SCUBE3: variants seen among roughly 807,000 people sequenced by gnomAD.
SCUBE3 encodes the protein signal peptide, CUB domain and EGF like domain containing 3.
SCUBE3 carries 33 observed loss-of-function variants against 116.8 expected under a neutral mutation model. That is an observed-to-expected ratio of 0.28 (90% confidence interval 0.21 to 0.38). The LOEUF is 0.38. Ranked by LOEUF, SCUBE3 falls within the 10% of genes least tolerant of loss-of-function variation. The probability of loss-of-function intolerance (pLI) is 1.00; values close to 1 mark genes in which losing one functional copy is unlikely to be tolerated. For synonymous variants in SCUBE3, 418 were observed against 496.9 expected, an observed-to-expected ratio of 0.84 and a Z score of 2.11; for missense variants, 1,007 against 1,324.8, an observed-to-expected ratio of 0.76 and a Z score of 3.72.
Position 35,242,330 on chromosome 6 carries a change from G to C in SCUBE3, c.1534+10G>C. 1 of 1,579,722 alleles carries C rather than the reference G, an allele frequency of 6.3e-7. No homozygotes were observed. The highest frequency in any genetic ancestry group is 8.7e-7 in the Non-Finnish European group (1 of 1,148,882). On this transcript the variant is annotated intron_variant, in intron 13 of 21. Transcript: ENST00000274938. ...AGAATCACAGGGCCAGGTTTGGACTGGGGACCCCATTCCAGTTGGCTGTCT... is the reference window on the plus strand; with the variant it reads ...AGAATCACAGGGCCAGGTTTGGACTCGGGACCCCATTCCAGTTGGCTGTCT...
intron 1 of SCUBE3, chr6:35,224,700 T>G (rs1332545266): frequency 7.1e-6 from 1 of 141,264 alleles, no homozygotes; most frequent in South Asian, 2.4e-4. Context: ...AGCATCAAGA[T>G]CCACTCTAGT....
At chr6:35,237,625 A>T (rs1783832309) in intron 6 of SCUBE3, among the ~76,000 whole-genome samples, 1 of 151,562 alleles carries the variant, frequency 6.6e-6, no homozygotes, top group South Asian at 2.1e-4. Context: ...TTCCTGCCTG[A>T]CAGCTCTGGC....
In SCUBE3 at chr6:35,245,240, G is replaced by C; in HGVS notation, c.2414G>C (p.Gly805Ala). 2 of 1,614,176 alleles carry C rather than the reference G, an allele frequency of 1.2e-6. No individual in the cohort carries two copies. Among genetic ancestry groups the C allele is most frequent in the East Asian group, 2.2e-5 (1 of 44,882 alleles). The change falls in exon 19 of 22, where the codon GGT (glycine) becomes GCT (alanine). Residue 805 changes from glycine to alanine, a missense_variant. Around this residue, in one of 5 missense-constraint regions of SCUBE3, gnomAD observed 544 missense variants for 638.9 expected, o/e 0.85. Coordinates refer to ENST00000274938, the MANE Select transcript of SCUBE3 (RefSeq NM_152753.4). The surrounding 1 kb of genome is among the most constrained non-coding windows in gnomAD (Gnocchi z 4.2). ...SVAQCKNRQC[G>A]GELGEFTGYI... is the part of the protein sequence containing the mutation. ...GGTTTGGCTGCAGATCGTCAGTGTG[G>C]TGGGGAGCTGGGTGAGTTCACTGGC... is the stretch of plus-strand genomic sequence containing the variant.
In SCUBE3 at chr6:35,244,354, A is replaced by G. The variant is rs1784237108; in HGVS notation, c.2239+224A>G. ...AATTAACAGTCCCACTTACCCCTCC[A>G]CTTTGGAGAACTGGTGGCATATTCT... On this transcript the variant is annotated intron_variant, in intron 17 of 21. Transcript: ENST00000274938. The surrounding 1 kb of genome is among the most constrained non-coding windows in gnomAD (Gnocchi z 4.3). Among the ~76,000 whole-genome samples the G allele has an allele frequency of 6.6e-6, 1 of 152,100 alleles. No individual in the cohort carries two copies. Among genetic ancestry groups the G allele is most frequent in the Non-Finnish European group, 1.5e-5 (1 of 68,016 alleles).
intron 1 of SCUBE3, chr6:35,224,035 C>T (rs989587100): frequency 6.6e-6 from 1 of 152,266 alleles, no homozygotes; most frequent in Middle Eastern, 3.4e-3. Context: ...GGACCAGGAA[C>T]TCACCAGGAA....
rs1462412635 is a variant in SCUBE3 at position 35,214,170 on chromosome 6, C to T, written c.-249C>T. On this transcript the variant is annotated 5_prime_UTR_variant, in exon 1 of 22. Coordinates refer to ENST00000274938, the MANE Select transcript of SCUBE3 (RefSeq NM_152753.4). The surrounding 1 kb of genome is among the most constrained non-coding windows in gnomAD (Gnocchi z 6.3). ...GGCGGGGGTTCCCCTCCGTCAGTCG[C>T]CCCTGGCGCCCCTCGCCTCGTCGCA... Among the ~76,000 whole-genome samples, 1 of 152,122 alleles carries T rather than the reference C, an allele frequency of 6.6e-6. No individual in the cohort carries two copies. The highest frequency in any genetic ancestry group is 1.5e-5 in the Non-Finnish European group (1 of 68,000).
At chr6:35,237,877 C>A (rs750210218) in intron 6 of SCUBE3, 25 bp from the exon 7 acceptor site, 39 of 1,452,484 alleles carry the variant, frequency 2.7e-5, no homozygotes, top group Non-Finnish European at 3.5e-5. Context: ...ACCTCATTAC[C>A]ATCCCCCACT....
Position 35,241,882 on chromosome 6 carries a change from G to C in SCUBE3, c.1389G>C (p.Gly463=). The C allele has an allele frequency of 2.5e-6, 4 of 1,610,810 alleles. No individual in the cohort carries two copies. The highest frequency in any genetic ancestry group is 3.4e-6 in the Non-Finnish European group (4 of 1,179,746). The change falls in exon 12 of 22, where the codon GGG becomes GGC. Residue 463 remains glycine, a synonymous_variant. Coordinates refer to ENST00000274938, the MANE Select transcript of SCUBE3 (RefSeq NM_152753.4). The surrounding 1 kb of genome is among the most constrained non-coding windows in gnomAD (Gnocchi z 4.1). Reference sequence around the variant, plus strand: ...CTCCAGCCCGAGCTGGCCACAATGGGAACAGCACCAACTCCAACCACTGCC... The same window carrying C: ...CTCCAGCCCGAGCTGGCCACAATGGCAACAGCACCAACTCCAACCACTGCC... ...RAAPARAGHN[G]NSTNSNHCHE...
Position 35,233,176 on chromosome 6 carries a change from T to C in SCUBE3, c.596-9T>C. The C allele has an allele frequency of 6.2e-7, 1 of 1,601,346 alleles. No individual in the cohort carries two copies. The highest frequency in any genetic ancestry group is 8.6e-7 in the Non-Finnish European group (1 of 1,168,578). ...CAAGCTGACAGGGCCCTGTCCTCTC[T>C]GTGCACAGTGACATGCAACTATGGT... On this transcript the variant is annotated splice_polypyrimidine_tract_variant and intron_variant, in intron 5 of 21. Transcript: ENST00000274938. The surrounding 1 kb of genome is among the most constrained non-coding windows in gnomAD (Gnocchi z 5.7).
At chr6:35,247,343 C>T (rs1784387176) in intron 21 of SCUBE3, among the ~76,000 whole-genome samples, 1 of 149,200 alleles carries the variant, frequency 6.7e-6, no homozygotes, top group Non-Finnish European at 1.5e-5. Context: ...GACCCTGAGG[C>T]AGGAGAATTG....
Position 35,246,080 on chromosome 6 carries a change from C to G in SCUBE3, c.2736C>G (p.Pro912=). The change falls in exon 20 of 22, where the codon CCC becomes CCG. Residue 912 remains proline (P), a synonymous_variant. Coordinates refer to ENST00000274938, the MANE Select transcript of SCUBE3 (RefSeq NM_152753.4). ...ACAGCGCCCGTGGCTTCCAGATTCC[C>G]TATGTTACCTATGATGGTAAGCCAA... ...EANSARGFQI[P]YVTYDEDYEQ... is the part of the protein sequence containing the mutation. The G allele has an allele frequency of 6.2e-7, 1 of 1,614,112 alleles. No homozygotes were observed.
chr6:35,226,805 CTT>C (rs971878916), intron 1 of SCUBE3, among the ~76,000 whole-genome samples: 4 of 152,146 alleles, frequency 2.6e-5, no homozygotes, highest in African/African-American at 9.7e-5. Flanking sequence ...TAACCATCCT[CTT>C]TTTTGCTAGA....
rs1784183766 is a variant in SCUBE3 at position 35,243,579 on chromosome 6, C to G, written c.1910-15C>G. ...ATGCGGGGGTGGGTGGCTAGCGCGG[C>G]CGACTCTCCCTCAGTCAGCTGCCCG... On this transcript the variant is annotated splice_polypyrimidine_tract_variant and intron_variant, in intron 15 of 21. Coordinates refer to ENST00000274938, the MANE Select transcript of SCUBE3 (RefSeq NM_152753.4). This position sits in a 1 kb window ranked among gnomAD's most constrained non-coding sequence, Gnocchi z 6.6. 1.9e-6 allele frequency: 3 copies of G among 1,587,554 alleles called. No homozygotes were observed. The African/African-American group carries it at 4.0e-5, about 21-fold the overall frequency.
At position 35,239,820 on chromosome 6, in the gene SCUBE3, G is replaced by A. The variant is rs781713687; in HGVS notation, c.898G>A (p.Glu300Lys). Reference protein sequence around the residue: ...HICRNTVGSFECSCKKGYKLL... With the variant: ...HICRNTVGSFKCSCKKGYKLL... The stretch of plus-strand genomic sequence containing the variant: ...TTGCCGCAACACAGTGGGCAGCTTC[G>A]AATGCAGTTGCAAGAAAGGCTATAA... The change falls in exon 8 of 22, where the codon GAA (glutamate) becomes AAA (lysine). Residue 300 changes from glutamate (E) to lysine (K), a missense_variant. Coordinates refer to ENST00000274938, the MANE Select transcript of SCUBE3 (RefSeq NM_152753.4). The surrounding 1 kb of genome is among the most constrained non-coding windows in gnomAD (Gnocchi z 4.1). 54 of 1,610,936 alleles carry A rather than the reference G, an allele frequency of 3.4e-5. No homozygotes were observed. Among genetic ancestry groups the A allele is most frequent in the African/African-American group, 5.4e-5 (4 of 74,682 alleles).
chr6:35,226,480 C>CTTTTGTTTTTTTTTTT (rs1783328819), intron 1 of SCUBE3, among the ~76,000 whole-genome samples: 1 of 85,204 alleles, frequency 1.2e-5, no homozygotes, highest in African/African-American at 4.8e-5. Flanking sequence ...TTTCTATGTC[C>CTTTTGTTTTTTTTTTT]TTTTTTTTTT....
chr6:35,248,528 T>C, intron 21 of SCUBE3, 28 bp from the exon 22 acceptor site: 1 of 1,612,954 alleles, frequency 6.2e-7, no homozygotes. Context: ...ACGGTGAGGC[T>C]GACATTGCTC....
chr6:35,246,189 C>G lies in SCUBE3; in HGVS notation c.2753-17C>G. On this transcript the variant is annotated splice_polypyrimidine_tract_variant and intron_variant, in intron 20 of 21. Transcript: ENST00000274938. ...GAGCTCCCGCCCCTGAGCCCCTCAC[C>G]TTGGTTGACTTTGCAGAGGACTATG... 2.5e-6 allele frequency: 4 copies of G among 1,613,828 alleles called. No homozygotes were observed. Among genetic ancestry groups the G allele is most frequent in the Non-Finnish European group, 3.4e-6 (4 of 1,179,698 alleles).
Position 35,243,683 on chromosome 6 carries a change from C to G in SCUBE3, c.1999C>G (p.Leu667Val). Residue 667 changes from leucine (L) to valine (V), a missense_variant, in exon 16 of 22, where the codon CTC becomes GTC. By Grantham distance (32) the Leu-to-Val change is conservative. Transcript: ENST00000274938. The surrounding 1 kb of genome is among the most constrained non-coding windows in gnomAD (Gnocchi z 6.6). The part of the protein sequence containing the change: ...AGTFQEREGQ[L>V]SCDLCPGSDA... The stretch of plus-strand genomic sequence containing the variant: ...CACCTTCCAGGAGAGAGAAGGGCAG[C>G]TCTCCTGCGACCTTTGCCCTGGGAG... 1 of 1,614,110 alleles carries G rather than the reference C, an allele frequency of 6.2e-7. No individual in the cohort carries two copies. Among genetic ancestry groups the G allele is most frequent in the Non-Finnish European group, 8.5e-7 (1 of 1,179,986 alleles).
chr6:35,214,147 C>G lies in SCUBE3; in HGVS notation c.-272C>G, dbSNP rs1562037580. On this transcript the variant is annotated 5_prime_UTR_variant, in exon 1 of 22. Coordinates refer to ENST00000274938, the MANE Select transcript of SCUBE3 (RefSeq NM_152753.4). The surrounding 1 kb of genome is among the most constrained non-coding windows in gnomAD (Gnocchi z 6.3). ...CTGGCAGAGGCCGGCTTGGAGAGGG[C>G]GGGGGTTCCCCTCCGTCAGTCGCCC... Among the ~76,000 whole-genome samples the G allele has an allele frequency of 2.0e-5, 3 of 152,160 alleles. No homozygotes were observed. The highest frequency in any genetic ancestry group is 2.9e-5 in the Non-Finnish European group (2 of 67,996).
Sources: gnomAD v4.1 joint callset for allele counts (sites outside exome capture counted in the v4.1 genomes callset) on GRCh38, gnomAD v4.1.1 for gene constraint, gnomAD v4.1.1 regional missense constraint, Gnocchi (gnomAD v3.1) non-coding constraint, MANE v1.5 for transcripts, NCBI Gene and HGNC (gene_info 2026-07-23, HGNC 2026-07-21) for gene names.